The following ADAMTSL1 variants were observed in gnomAD, a reference collection of about 807,000 sequenced individuals.
The protein encoded by ADAMTSL1 is ADAMTS-like protein 1.
Under a neutral mutation model 201.8 loss-of-function variants are expected in ADAMTSL1, and 126 were observed. That is an observed-to-expected ratio of 0.62 (90% CI 0.54 to 0.72). The LOEUF (loss-of-function observed/expected upper bound fraction) is 0.72. ADAMTSL1 is among the 30% of genes least tolerant of loss of function. The pLI, the probability that ADAMTSL1 is intolerant of heterozygous loss-of-function variation, is 0.00. For missense variants in ADAMTSL1, 2,679 were observed against 2,277.8 expected (o/e 1.18, Z -3.59); for synonymous variants, 1,121 against 903.4 (o/e 1.24, Z -4.32).
chr9:18,830,147 A>G (rs1824884007), intron 23 of ADAMTSL1, among the ~76,000 whole-genome samples, 170 bp downstream of exon 23: 1 of 152,230 alleles, frequency 6.6e-6, no homozygotes, highest in Non-Finnish European at 1.5e-5. Flanking sequence ...CTGACTTTCC[A>G]TATGAGGTGA....
At chr9:18,141,690 G>A (rs1368646354) in intron 1 of ADAMTSL1, among the ~76,000 whole-genome samples, 2 of 152,088 alleles carry the variant, frequency 1.3e-5, no homozygotes, top group Non-Finnish European at 2.9e-5. Context: ...TTGACCATTC[G>A]ATTATTGGGA....
chr9:18,560,565 G>A (rs527513633), intron 3 of ADAMTSL1, among the ~76,000 whole-genome samples: 15 of 152,178 alleles, frequency 9.9e-5, no homozygotes, highest in African/African-American at 3.6e-4. Context: ...CTGTTGTTTG[G>A]AATAGTTTCA....
intron 4 of ADAMTSL1, among the ~76,000 whole-genome samples, chr9:18,577,005 G>A (rs1391442431): frequency 6.6e-6 from 1 of 152,020 alleles, no homozygotes; most frequent in East Asian, 1.9e-4. Context: ...AGACCATTTG[G>A]TAATGGTCCC....
chr9:18,166,162 G>A (rs1039484335), intron 2 of ADAMTSL1, among the ~76,000 whole-genome samples: 5 of 151,880 alleles, frequency 3.3e-5, no homozygotes, highest in African/African-American at 9.7e-5. Flanking sequence ...TTATGCACAC[G>A]TTTCACCTCC....
rs532762413 is a variant in ADAMTSL1, at chr9:18,334,752, A to G, written c.208-170077A>G. Among the ~76,000 whole-genome samples, 68 of 152,278 alleles carry G rather than the reference A, an allele frequency of 4.5e-4. No homozygotes were observed. The South Asian group carries it at 0.013, about 29-fold the overall frequency. On this transcript the variant is annotated intron_variant, in intron 2 of 29. Coordinates refer to the ADAMTSL1 transcript ENST00000680146. ...GGGACTTGGAAACAACAGAAACCAAATAGAATAAAGACTTCTCTCTTCTTT... is the reference window on the plus strand; with the variant it reads ...GGGACTTGGAAACAACAGAAACCAAGTAGAATAAAGACTTCTCTCTTCTTT...
intron 1 of ADAMTSL1, among the ~76,000 whole-genome samples, chr9:18,144,009 G>C (rs1826516103): frequency 6.6e-6 from 1 of 152,148 alleles, no homozygotes; most frequent in Non-Finnish European, 1.5e-5. Context: ...CCTCAGGAAA[G>C]ATAGTGCTAT....
chr9:18,722,188 G>A (rs1022636208), intron 15 of ADAMTSL1, among the ~76,000 whole-genome samples: 1 of 152,102 alleles, frequency 6.6e-6, no homozygotes, highest in African/African-American at 2.4e-5. Flanking sequence ...GCATTTCATT[G>A]TTCAGCCCTG....
At chr9:18,036,704 G>C (rs1821214044) in intron 1 of ADAMTSL1, among the ~76,000 whole-genome samples, 1 of 152,160 alleles carries the variant, frequency 6.6e-6, no homozygotes, top group Non-Finnish European at 1.5e-5. Flanking sequence ...GTTTGGTAAA[G>C]ACCTACATTG....
intron 1 of ADAMTSL1, among the ~76,000 whole-genome samples, chr9:18,493,950 C>A (rs1417640): frequency 1.3e-5 from 2 of 152,224 alleles, no homozygotes; most frequent in African/African-American, 4.8e-5. Context: ...TTTGTCACAG[C>A]TCTTAAGAAG....
intron 7 of ADAMTSL1, among the ~76,000 whole-genome samples, chr9:18,646,893 G>A (rs1342134250): frequency 6.6e-6 from 1 of 152,006 alleles, no homozygotes; most frequent in East Asian, 1.9e-4. Context: ...TCAGGATGAT[G>A]CAGGCCTCAT....
intron 2 of ADAMTSL1, among the ~76,000 whole-genome samples, chr9:18,296,249 TAA>T (rs947309745): frequency 3.5e-4 from 54 of 152,176 alleles, no homozygotes; most frequent in African/African-American, 1.3e-3. Flanking sequence ...TGTTCTAGAT[TAA>T]AAGAGAGTAT....
At chr9:18,635,351 A>C (rs1827046555) in intron 5 of ADAMTSL1, among the ~76,000 whole-genome samples, 1 of 152,032 alleles carries the variant, frequency 6.6e-6, no homozygotes, top group Non-Finnish European at 1.5e-5. Context: ...TCAATTTCTA[A>C]AAAAAAATTT....
At chr9:18,028,298 G>A (rs975463203) in intron 1 of ADAMTSL1, among the ~76,000 whole-genome samples, 1 of 152,048 alleles carries the variant, frequency 6.6e-6, no homozygotes, top group East Asian at 1.9e-4. Flanking sequence ...TTGTTCCTTT[G>A]TTTCTATCTT....
chr9:18,326,261 T>C (rs1834827593), intron 2 of ADAMTSL1, among the ~76,000 whole-genome samples: 1 of 152,124 alleles, frequency 6.6e-6, no homozygotes, highest in Non-Finnish European at 1.5e-5. Flanking sequence ...ATCAGAACGG[T>C]GATTACCTCT....
intron 14 of ADAMTSL1, among the ~76,000 whole-genome samples, chr9:18,709,570 C>T (rs1832431022): frequency 6.6e-6 from 1 of 152,134 alleles, no homozygotes; most frequent in South Asian, 2.1e-4. Flanking sequence ...GCTGTGTTTC[C>T]CTGAGCTGTC....
Position 17,908,913 on chromosome 9 carries a change from T to C in ADAMTSL1, c.87+1991T>C, listed in dbSNP as rs1001904778. On this transcript the variant is annotated intron_variant, in intron 1 of 29. Coordinates refer to the ADAMTSL1 transcript ENST00000680146. ...CTCGCCACACTGACTTCCACAATGG[T>C]TGAACTAGTTTACAGTCCCACCAAC... 2.0e-5 allele frequency among the ~76,000 whole-genome samples: 3 copies of C among 151,956 alleles called. No individual in the cohort carries two copies. In the South Asian group the frequency reaches 6.2e-4, roughly 32 times the overall value.
At chr9:18,377,752 G>C (rs985437638) in intron 2 of ADAMTSL1, among the ~76,000 whole-genome samples, 1 of 152,122 alleles carries the variant, frequency 6.6e-6, no homozygotes, top group Non-Finnish European at 1.5e-5. Flanking sequence ...ATTTTTAGTA[G>C]AGACAGGATT....
chr9:17,966,905 A>T (rs1053802153), intron 1 of ADAMTSL1, among the ~76,000 whole-genome samples: 2 of 152,152 alleles, frequency 1.3e-5, no homozygotes, highest in African/African-American at 4.8e-5. Context: ...TACCAAGATA[A>T]TGAATTGATT....
At chr9:18,519,683 C>G (rs539850596) in intron 2 of ADAMTSL1, among the ~76,000 whole-genome samples, 2 of 152,222 alleles carry the variant, frequency 1.3e-5, no homozygotes, top group East Asian at 1.9e-4. Context: ...GACTGGATAC[C>G]CAATGAATGT....
Sources: allele counts gnomAD v4.1 joint callset (sites outside exome capture counted in the v4.1 genomes callset), GRCh38; gene constraint gnomAD v4.1.1; transcripts MANE v1.5; gene names NCBI Gene and HGNC (gene_info 2026-07-23, HGNC 2026-07-21).